The following NAALADL2 variants were observed in gnomAD, a reference collection of about 807,000 sequenced individuals.
The protein encoded by NAALADL2 is N-acetylated alpha-linked acidic dipeptidase like 2.
A neutral mutation model predicts 87.2 loss-of-function variants in NAALADL2; 76 were observed. That is an observed-to-expected ratio of 0.87 (90% CI 0.72 to 1.05). The LOEUF is 1.05. Among genes scored for constraint, NAALADL2 ranks in the 50% least tolerant of loss-of-function variants. NAALADL2 has a pLI of 0.00. For missense variants in NAALADL2, 1,089 were observed against 945.8 expected (o/e 1.15, Z -1.99); for synonymous variants, 354 against 331.0 (o/e 1.07, Z -0.75).
intron 11 of NAALADL2, among the ~76,000 whole-genome samples, chr3:175,714,923 A>C (rs530134435): frequency 6.6e-6 from 1 of 152,302 alleles, no homozygotes; most frequent in African/African-American, 2.4e-5. Flanking sequence ...TAAAACCATA[A>C]AAACCCTAGA....
At chr3:174,980,932 A>ATTT (rs1745031838) in intron 1 of NAALADL2, among the ~76,000 whole-genome samples, 2 of 152,194 alleles carry the variant, frequency 1.3e-5, no homozygotes, top group Non-Finnish European at 2.9e-5. Context: ...AGCTTAGTGG[A>ATTT]AAATGTGCTG....
chr3:175,214,844 T>G (rs1742271254), intron 2 of NAALADL2, among the ~76,000 whole-genome samples: 1 of 152,182 alleles, frequency 6.6e-6, no homozygotes, highest in Admixed American at 6.6e-5. Flanking sequence ...AATCCAGCAG[T>G]ACAGACATTC....
intron 2 of NAALADL2, chr3:175,218,257 G>C (rs1163796891): frequency 3.4e-6 from 1 of 292,178 alleles, no homozygotes; most frequent in Non-Finnish European, 6.9e-6. Flanking sequence ...AAAAACCAAT[G>C]GGTTATATAC....
intron 2 of NAALADL2, among the ~76,000 whole-genome samples, chr3:174,619,108 A>T (rs1156927086): frequency 6.6e-6 from 1 of 151,960 alleles, no homozygotes; most frequent in Non-Finnish European, 1.5e-5. Flanking sequence ...CCTCCTAGAT[A>T]CTGAAATTAG....
At chr3:175,137,899 C>T (rs972558958) in intron 2 of NAALADL2, among the ~76,000 whole-genome samples, 1 of 152,144 alleles carries the variant, frequency 6.6e-6, no homozygotes, top group Admixed American at 6.6e-5. Flanking sequence ...GCTGGGATTA[C>T]AGGCTTGAGC....
At chr3:175,526,970 C>A (rs549498398) in intron 9 of NAALADL2, among the ~76,000 whole-genome samples, 15 of 152,270 alleles carry the variant, frequency 9.9e-5, no homozygotes, top group African/African-American at 3.6e-4. Context: ...ATTTGTCATT[C>A]TTTGCCCCAA....
At chr3:175,610,308 A>T (rs1302234550) in intron 10 of NAALADL2, among the ~76,000 whole-genome samples, 1 of 152,132 alleles carries the variant, frequency 6.6e-6, no homozygotes, top group Non-Finnish European at 1.5e-5. Flanking sequence ...GTGTTTATAT[A>T]TTCTGTTCTC....
chr3:174,791,693 T>C (rs573221241), intron 3 of NAALADL2, among the ~76,000 whole-genome samples: 4 of 152,208 alleles, frequency 2.6e-5, no homozygotes, highest in Non-Finnish European at 5.9e-5. Flanking sequence ...GAATTGTTCC[T>C]TCACATTTTT....
At chr3:174,774,469 G>A (rs1170328182) in intron 3 of NAALADL2, among the ~76,000 whole-genome samples, 1 of 152,158 alleles carries the variant, frequency 6.6e-6, no homozygotes. Flanking sequence ...AGAAACAACA[G>A]CCTTTAATAA....
chr3:174,560,779 T>C (rs1476881530), intron 2 of NAALADL2, among the ~76,000 whole-genome samples: 4 of 152,184 alleles, frequency 2.6e-5, no homozygotes, highest in Non-Finnish European at 5.9e-5. Flanking sequence ...GAAGGTTATC[T>C]GGTAAATTGT....
At chr3:175,203,467 C>T (rs887918711) in intron 2 of NAALADL2, among the ~76,000 whole-genome samples, 9 of 152,280 alleles carry the variant, frequency 5.9e-5, no homozygotes, top group East Asian at 3.9e-4. Context: ...CCCACTTCCA[C>T]GGCAGGAGCA....
At chr3:174,527,366 A>G (rs1374756474) in intron 1 of NAALADL2, among the ~76,000 whole-genome samples, 1 of 151,898 alleles carries the variant, frequency 6.6e-6, no homozygotes, top group Non-Finnish European at 1.5e-5. Flanking sequence ...TAAAAATACA[A>G]AAATTAGCTA....
intron 1 of NAALADL2, among the ~76,000 whole-genome samples, chr3:174,966,669 T>C (rs1471464116): frequency 6.6e-6 from 1 of 152,186 alleles, no homozygotes; most frequent in African/African-American, 2.4e-5. Flanking sequence ...GAAGTCCAGC[T>C]TAATACATAT....
chr3:175,311,225 AT>A (rs58374410), intron 4 of NAALADL2, among the ~76,000 whole-genome samples: 195 of 144,390 alleles, frequency 1.4e-3, no homozygotes, highest in East Asian at 0.013. Flanking sequence ...TAGAACATGG[AT>A]TTTTTTTTTT....
intron 1 of NAALADL2, among the ~76,000 whole-genome samples, chr3:175,050,293 ACT>A (rs1755203885): frequency 6.6e-6 from 1 of 151,940 alleles, no homozygotes; most frequent in Admixed American, 6.6e-5. Context: ...ACAGAGTTTC[ACT>A]CTTGTTGCCC....
chr3:175,312,875 C>T (rs149401160), intron 4 of NAALADL2, among the ~76,000 whole-genome samples: 1 of 152,314 alleles, frequency 6.6e-6, no homozygotes, highest in African/African-American at 2.4e-5. Context: ...AGATCCAGAT[C>T]GTAATCACAA....
At chr3:175,155,131 G>A (rs1732110272) in intron 2 of NAALADL2, among the ~76,000 whole-genome samples, 3 of 152,234 alleles carry the variant, frequency 2.0e-5, no homozygotes, top group Non-Finnish European at 4.4e-5. Flanking sequence ...ACAAACCCCT[G>A]GAGAGATGAC....
intron 2 of NAALADL2, among the ~76,000 whole-genome samples, chr3:175,115,877 C>T (rs2108525262): frequency 6.6e-6 from 1 of 151,960 alleles, no homozygotes; most frequent in Admixed American, 6.6e-5. Context: ...CATCAAAAAG[C>T]TTATCCACCA....
chr3:175,169,169 A>G (rs1413789766), intron 2 of NAALADL2, among the ~76,000 whole-genome samples: 3 of 151,742 alleles, frequency 2.0e-5, no homozygotes, highest in Non-Finnish European at 3.0e-5. Context: ...TTTTAATAAT[A>G]TTGGAGACGT....
Sources: allele counts gnomAD v4.1 joint callset (sites outside exome capture counted in the v4.1 genomes callset), GRCh38; gene constraint gnomAD v4.1.1; transcripts MANE v1.5; gene names NCBI Gene and HGNC (gene_info 2026-07-23, HGNC 2026-07-21).